TRAPPC9: variants seen among roughly 807,000 people sequenced by gnomAD.
TRAPPC9 encodes the protein trafficking protein particle complex subunit 9.
In TRAPPC9, 83 loss-of-function variants were observed where a neutral mutation model predicts 124.0. That is an observed-to-expected ratio of 0.67 (90% CI 0.56 to 0.80). The LOEUF is 0.80. Ranked by LOEUF, TRAPPC9 falls within the 30% of genes least tolerant of loss-of-function variation. TRAPPC9 has a pLI of 0.00. For missense variants in TRAPPC9, 1,302 were observed against 1,508.3 expected (o/e 0.86, Z 2.27); for synonymous variants, 638 against 617.5 (o/e 1.03, Z -0.49).
At chr8:139,999,234 C>A (rs1280224111) in intron 18 of TRAPPC9, among the ~76,000 whole-genome samples, 1 of 151,734 alleles carries the variant, frequency 6.6e-6, no homozygotes, top group African/African-American at 2.4e-5. Context: ...TATAATAAAT[C>A]CACTCTAAAT....
At chr8:140,342,343 G>T (rs2067219518) in intron 9 of TRAPPC9, among the ~76,000 whole-genome samples, 1 of 152,142 alleles carries the variant, frequency 6.6e-6, no homozygotes, top group Non-Finnish European at 1.5e-5. Flanking sequence ...TAATATATTT[G>T]GGATTTTGAA....
chr8:139,764,350 T>C (rs1820437442), intron 21 of TRAPPC9, among the ~76,000 whole-genome samples: 2 of 152,022 alleles, frequency 1.3e-5, no homozygotes, highest in South Asian at 4.2e-4. Flanking sequence ...TGATAGGAGA[T>C]GCCACAACAT....
At chr8:140,402,570 C>T (rs1026453278) in intron 6 of TRAPPC9, among the ~76,000 whole-genome samples, 1 of 151,734 alleles carries the variant, frequency 6.6e-6, no homozygotes, top group Non-Finnish European at 1.5e-5. Context: ...GTGTTGCACA[C>T]CTGTAGTCCC....
At chr8:140,061,822 G>A (rs1842638082) in intron 17 of TRAPPC9, among the ~76,000 whole-genome samples, 1 of 152,184 alleles carries the variant, frequency 6.6e-6, no homozygotes. Context: ...CATTAACAGA[G>A]CATTGAAGTC....
chr8:140,070,622 G>A (rs142010588), intron 17 of TRAPPC9, among the ~76,000 whole-genome samples: 62 of 152,236 alleles, frequency 4.1e-4, no homozygotes, highest in African/African-American at 1.4e-3. Context: ...GTAGGGCCTC[G>A]TTTCGAAATT....
chr8:139,863,040 C>T (rs1828273858), intron 21 of TRAPPC9, among the ~76,000 whole-genome samples: 1 of 152,270 alleles, frequency 6.6e-6, no homozygotes, highest in Non-Finnish European at 1.5e-5. Context: ...TGAGGCCAGG[C>T]TCTGCTCCCA....
intron 18 of TRAPPC9, among the ~76,000 whole-genome samples, chr8:140,012,779 C>T (rs144025443): frequency 5.1e-4 from 78 of 152,302 alleles, no homozygotes; most frequent in Non-Finnish European, 7.5e-4. Context: ...CCCACACTCC[C>T]TAGCATGTCA....
At chr8:140,401,066 A>G (rs2069248194) in intron 6 of TRAPPC9, among the ~76,000 whole-genome samples, 2 of 152,240 alleles carry the variant, frequency 1.3e-5, no homozygotes, top group Admixed American at 1.3e-4. Context: ...GGAAAAACAC[A>G]CTAATATTCT....
intron 18 of TRAPPC9, among the ~76,000 whole-genome samples, chr8:140,012,550 T>G (rs1215886672): frequency 6.6e-6 from 1 of 152,248 alleles, no homozygotes; most frequent in South Asian, 2.1e-4. Context: ...ATAAAGATTC[T>G]GTAACTTGCC....
chr8:139,868,139 G>A (rs147451706), intron 21 of TRAPPC9, among the ~76,000 whole-genome samples: 5 of 152,190 alleles, frequency 3.3e-5, no homozygotes, highest in Admixed American at 6.5e-5. Flanking sequence ...CAGGTGGATC[G>A]CCAGAGGTCA....
At chr8:139,756,515 G>GT (rs1819802954) in intron 21 of TRAPPC9, among the ~76,000 whole-genome samples, 1 of 141,214 alleles carries the variant, frequency 7.1e-6, no homozygotes. Context: ...AGGGTTTGGG[G>GT]ATGAGGACAG....
At chr8:140,358,099 G>T (rs970046043) in intron 9 of TRAPPC9, among the ~76,000 whole-genome samples, 3 of 152,218 alleles carry the variant, frequency 2.0e-5, no homozygotes, top group Non-Finnish European at 2.9e-5. Context: ...AGAGATGGCC[G>T]TGGAAATCAC....
intron 18 of TRAPPC9, among the ~76,000 whole-genome samples, chr8:139,989,210 A>G (rs1837465017): frequency 6.6e-6 from 1 of 152,226 alleles, no homozygotes; most frequent in Admixed American, 6.5e-5. Flanking sequence ...AGAGAAACAC[A>G]GGCATACAGT....
At chr8:140,202,497 G>C (rs2062815920) in intron 17 of TRAPPC9, among the ~76,000 whole-genome samples, 1 of 152,102 alleles carries the variant, frequency 6.6e-6, no homozygotes, top group Admixed American at 6.5e-5. Flanking sequence ...CAGTGGTTGA[G>C]CTAAAAGTTC....
chr8:140,014,587 A>G (rs1839345016), intron 18 of TRAPPC9, among the ~76,000 whole-genome samples: 1 of 152,150 alleles, frequency 6.6e-6, no homozygotes, highest in Non-Finnish European at 1.5e-5. Flanking sequence ...TAGGGAGTGC[A>G]GAGACCAAGC....
chr8:140,069,317 T>C (rs1843024251), intron 17 of TRAPPC9, among the ~76,000 whole-genome samples: 2 of 152,154 alleles, frequency 1.3e-5, no homozygotes, highest in African/African-American at 2.4e-5. Context: ...CCACCCCACC[T>C]GGGCAAATCA....
chr8:140,194,763 G>C (rs968918505), intron 17 of TRAPPC9, among the ~76,000 whole-genome samples: 1 of 152,112 alleles, frequency 6.6e-6, no homozygotes, highest in African/African-American at 2.4e-5. Context: ...ACACACCCCT[G>C]ACCATGTATT....
intron 21 of TRAPPC9, among the ~76,000 whole-genome samples, chr8:139,845,112 G>A (rs947268590): frequency 6.6e-6 from 1 of 152,224 alleles, no homozygotes; most frequent in African/African-American, 2.4e-5. Flanking sequence ...AGGTAGCTAA[G>A]GATGATGTCG....
intron 19 of TRAPPC9, among the ~76,000 whole-genome samples, chr8:139,975,125 C>G (rs188766707): frequency 6.6e-6 from 1 of 152,100 alleles, no homozygotes; most frequent in Non-Finnish European, 1.5e-5. Flanking sequence ...CAAGGTCTGG[C>G]AACTTTCACT....
Sources: gnomAD v4.1 joint callset for allele counts (sites outside exome capture counted in the v4.1 genomes callset) on GRCh38, gnomAD v4.1.1 for gene constraint, MANE v1.5 for transcripts, NCBI Gene and HGNC (gene_info 2026-07-23, HGNC 2026-07-21) for gene names.